ZNF487: variants seen among roughly 807,000 people sequenced by gnomAD.
ZNF487 encodes the protein KRAB domain only 1.
In ZNF487, 4 loss-of-function variants were observed where a neutral mutation model predicts 3.0. The observed-to-expected ratio is 1.35, with a 90% confidence interval of 0.66 to 3.08. The LOEUF (loss-of-function observed/expected upper bound fraction) is 3.08. Ranked by LOEUF, ZNF487 falls within the 30% of genes most tolerant of loss-of-function variation. The pLI, the probability that ZNF487 is intolerant of heterozygous loss-of-function variation, is 0.01. For missense variants in ZNF487, 146 were observed against 98.7 expected, an observed-to-expected ratio of 1.48 and a Z score of -2.03; for synonymous variants, 55 against 34.6, an observed-to-expected ratio of 1.59 and a Z score of -2.06.
At chr10:43,447,458 T>G (rs1368604708) in intron 1 of ZNF487, among the ~76,000 whole-genome samples, 1 of 152,050 alleles carries the variant, frequency 6.6e-6, no homozygotes, top group African/African-American at 2.4e-5. Flanking sequence ...GCCAGGCTGG[T>G]CTTGAACTCC....
the ZNF487 span, among the ~76,000 whole-genome samples, chr10:43,508,908 G>C: frequency 6.7e-6 from 1 of 150,252 alleles, no homozygotes; most frequent in Non-Finnish European, 1.5e-5. Context: ...AATTAAAACA[G>C]GGCCTTCAAG....
Position 43,479,995 on chromosome 10 carries a change from CTT to C in ZNF487, c.131-1432_131-1431del, listed in dbSNP as rs1290106120. Reference sequence around the variant, plus strand: ...CTTTTCTTTCTTTCCTTCTTTCTTTCTTTCTTTCTTTCTTTCTTTCTTTCTTT... The same window carrying C: ...CTTTTCTTTCTTTCCTTCTTTCTTTCTCTTTCTTTCTTTCTTTCTTTCTTT... On this transcript the variant is annotated intron_variant, in intron 3 of 3. Coordinates refer to ENST00000437590, the MANE Select transcript of ZNF487 (RefSeq NM_001355444.3). 2.7e-4 allele frequency among the ~76,000 whole-genome samples: 19 copies of C among 69,328 alleles called. 2 individuals carry two copies. Among genetic ancestry groups the C allele is most frequent in the African/African-American group, 6.6e-4 (19 of 28,728 alleles). 45.5% of individuals were successfully genotyped at this position (69,328 alleles called of 152,430 possible). A position where few individuals can be genotyped will look rare whatever the true frequency, so the allele number is the denominator to read the frequency against.
intron 3 of ZNF487, among the ~76,000 whole-genome samples, chr10:43,477,750 G>A (rs965411540): frequency 2.0e-5 from 3 of 151,570 alleles, no homozygotes; most frequent in Admixed American, 6.6e-5. Context: ...TCAGGAGTTC[G>A]AGACCAGCCT....
At chr10:43,464,846 G>T (rs1438505644) in intron 1 of ZNF487, among the ~76,000 whole-genome samples, 1 of 152,014 alleles carries the variant, frequency 6.6e-6, no homozygotes, top group Non-Finnish European at 1.5e-5. Context: ...CCACAAAACC[G>T]CCATCGTCAT....
the ZNF487 span, among the ~76,000 whole-genome samples, chr10:43,496,724 C>G: frequency 3.9e-5 from 6 of 152,160 alleles, no homozygotes; most frequent in African/African-American, 1.4e-4. Flanking sequence ...TGCTAGCATG[C>G]TAGCATGGTC....
At chr10:43,503,448 G>T in the ZNF487 span, among the ~76,000 whole-genome samples, 2 of 152,136 alleles carry the variant, frequency 1.3e-5, no homozygotes, top group African/African-American at 4.8e-5. Flanking sequence ...AATAAACTTA[G>T]TGTAGCCCAA....
Position 43,465,335 on chromosome 10 carries a change from C to A in ZNF487, c.-93-10386C>A, listed in dbSNP as rs1376895172. On this transcript the variant is annotated intron_variant, in intron 1 of 3. Transcript: ENST00000437590. The stretch of plus-strand genomic sequence containing the variant: ...ACCGGGTGGCTGCCGGGCGGAGACG[C>A]TCCTCACTTCCCAGACGGGGTGGCT... Among the ~76,000 whole-genome samples, 4 of 151,618 alleles carry A rather than the reference C, an allele frequency of 2.6e-5. No homozygotes were observed. In the East Asian group the frequency reaches 7.9e-4, roughly 30 times the overall value.
intron 1 of ZNF487, among the ~76,000 whole-genome samples, chr10:43,445,177 C>T (rs576814255): frequency 2.0e-5 from 3 of 150,246 alleles, no homozygotes; most frequent in Admixed American, 6.7e-5. Context: ...TCTTTAGAGA[C>T]GAGATCTTAC....
chr10:43,516,284 G>A, the ZNF487 span, among the ~76,000 whole-genome samples: 2 of 152,170 alleles, frequency 1.3e-5, no homozygotes, highest in African/African-American at 2.4e-5. Flanking sequence ...GACTATCAGT[G>A]TTTTTCATAC....
the ZNF487 span, among the ~76,000 whole-genome samples, chr10:43,518,867 T>C: frequency 6.6e-6 from 1 of 152,210 alleles, no homozygotes; most frequent in Non-Finnish European, 1.5e-5. Context: ...CTTGTCCCGT[T>C]TGCTCTAGAC....
chr10:43,502,295 C>A, the ZNF487 span, among the ~76,000 whole-genome samples: 293 of 152,256 alleles, frequency 1.9e-3, 1 homozygote, highest in African/African-American at 6.6e-3. Context: ...GAAAACCAAA[C>A]ACCGCATATT....
intron 1 of ZNF487, among the ~76,000 whole-genome samples, chr10:43,464,406 G>T (rs1840572524): frequency 6.6e-6 from 1 of 151,598 alleles, no homozygotes; most frequent in South Asian, 2.1e-4. Context: ...ATCATTCTTG[G>T]GTGTTTCTCG....
chr10:43,467,227 C>G (rs959100909), intron 1 of ZNF487, among the ~76,000 whole-genome samples: 4 of 151,290 alleles, frequency 2.6e-5, no homozygotes, highest in Non-Finnish European at 5.9e-5. Flanking sequence ...TTTTTTGAGA[C>G]GGAGTCTTGC....
downstream of ZNF487, among the ~76,000 whole-genome samples, chr10:43,487,767 C>T (rs1317768070): frequency 1.3e-5 from 2 of 151,314 alleles, no homozygotes; most frequent in Non-Finnish European, 2.9e-5. Flanking sequence ...ATTTTTAATA[C>T]TAAAAAGTAG....
chr10:43,470,460 C>G (rs549627023), intron 1 of ZNF487, among the ~76,000 whole-genome samples: 1 of 151,320 alleles, frequency 6.6e-6, no homozygotes, highest in Non-Finnish European at 1.5e-5. Flanking sequence ...CTCACCTCAC[C>G]GCAACCTCCA....
At chr10:43,463,788 C>CT (rs1298459431) in intron 1 of ZNF487, among the ~76,000 whole-genome samples, 7 of 150,102 alleles carry the variant, frequency 4.7e-5, no homozygotes, top group South Asian at 2.1e-4. Flanking sequence ...CTATTTCAGA[C>CT]TTTTTTTTAT....
intron 2 of ZNF487, 50 bp from the exon 3 acceptor site, chr10:43,476,057 T>G: frequency 2.8e-6 from 2 of 711,716 alleles, no homozygotes; most frequent in Non-Finnish European, 5.2e-6. Flanking sequence ...GGCACACCTT[T>G]GTCCTCCGCA....
chr10:43,512,212 C>T, the ZNF487 span, among the ~76,000 whole-genome samples: 1 of 152,162 alleles, frequency 6.6e-6, no homozygotes, highest in Non-Finnish European at 1.5e-5. Context: ...TTCCTCTGTT[C>T]ACTGATCATA....
chr10:43,454,952 A>C (rs952304769), intron 1 of ZNF487, among the ~76,000 whole-genome samples: 6 of 151,112 alleles, frequency 4.0e-5, no homozygotes, highest in African/African-American at 1.5e-4. Flanking sequence ...AAAAAAAAAA[A>C]AAAAAGTCCT....
Sources: gnomAD v4.1 joint callset for allele counts (sites outside exome capture counted in the v4.1 genomes callset) on GRCh38, gnomAD v4.1.1 for gene constraint, MANE v1.5 for transcripts, NCBI Gene and HGNC (gene_info 2026-07-23, HGNC 2026-07-21) for gene names.